Variants in MTUS2 observed in about 807,000 individuals in gnomAD.
MTUS2 encodes the protein microtubule-associated tumor suppressor candidate 2.
MTUS2 carries 40 observed loss-of-function variants against 114.1 expected under a neutral mutation model. That is an observed-to-expected ratio of 0.35 (90% CI 0.27 to 0.46). The LOEUF is 0.46. MTUS2 is among the 20% of genes least tolerant of loss of function. The pLI, the probability that MTUS2 is intolerant of heterozygous loss-of-function variation, is 1.00. For missense variants in MTUS2, 1,679 were observed against 1,705.4 expected (o/e 0.98, Z 0.27); for synonymous variants, 688 against 672.0 (o/e 1.02, Z -0.37).
intron 6 of MTUS2, chr13:29,307,579 G>T: frequency 8.1e-7 from 1 of 1,235,106 alleles, no homozygotes. Flanking sequence ...GGTGTCAGAG[G>T]GCCCCCTCAA....
chr13:28,907,559 T>C (rs1029366388), intron 2 of MTUS2, among the ~76,000 whole-genome samples: 59 of 151,206 alleles, frequency 3.9e-4, no homozygotes, highest in Non-Finnish European at 7.2e-4. Flanking sequence ...TGGAGGAAGA[T>C]CTGCCAAGCA....
At chr13:29,495,335 G>GTGAC (rs1468349227) in intron 12 of MTUS2, among the ~76,000 whole-genome samples, 1 of 140,552 alleles carries the variant, frequency 7.1e-6, no homozygotes, top group Non-Finnish European at 1.5e-5. Flanking sequence ...TCCAACCTGG[G>GTGAC]TGACAGAGTG....
chr13:28,877,075 G>A (rs1293995385), intron 2 of MTUS2, among the ~76,000 whole-genome samples: 14 of 150,834 alleles, frequency 9.3e-5, no homozygotes, highest in Non-Finnish European at 1.9e-4. Context: ...GGCGGATCAC[G>A]AGGTCAGGAG....
intron 5 of MTUS2, among the ~76,000 whole-genome samples, chr13:29,230,029 G>A (rs952321205): frequency 6.6e-6 from 1 of 152,120 alleles, no homozygotes; most frequent in African/African-American, 2.4e-5. Flanking sequence ...GGCGGATCAC[G>A]AGGTCAGGAG....
intron 2 of MTUS2, among the ~76,000 whole-genome samples, chr13:28,994,033 C>T (rs1218404905): frequency 6.6e-6 from 1 of 152,094 alleles, no homozygotes; most frequent in East Asian, 1.9e-4. Flanking sequence ...GGTGTATCTC[C>T]TAATGCTATC....
chr13:29,231,024 A>ATC lies in MTUS2; in HGVS notation c.2645-50679_2645-50678insCT, dbSNP rs1291318067. On this transcript the variant is annotated intron_variant, in intron 5 of 15. Coordinates refer to ENST00000612955, the MANE Select transcript of MTUS2 (RefSeq NM_001033602.4). ...ATTTTATATAGCATAGCCAAATACC[A>ATC]TGTTGTACATCTGATCCATCCAGCC... 1.4e-4 allele frequency among the ~76,000 whole-genome samples: 21 copies of ATC among 152,304 alleles called. No homozygotes were observed. The East Asian group carries it at 3.9e-3, about 28-fold the overall frequency.
intron 2 of MTUS2, among the ~76,000 whole-genome samples, chr13:28,947,734 G>A (rs1882608007): frequency 6.6e-6 from 1 of 152,096 alleles, no homozygotes; most frequent in African/African-American, 2.4e-5. Context: ...CATTTAAAAT[G>A]TTACACTTAA....
chr13:28,874,068 G>A (rs891041211), intron 2 of MTUS2, among the ~76,000 whole-genome samples: 1 of 152,108 alleles, frequency 6.6e-6, no homozygotes, highest in Admixed American at 6.5e-5. Flanking sequence ...GCCCAGGCTG[G>A]AGTGCAGTGG....
intron 6 of MTUS2, among the ~76,000 whole-genome samples, chr13:29,286,798 C>T (rs1000064625): frequency 2.0e-5 from 3 of 152,114 alleles, no homozygotes; most frequent in African/African-American, 7.2e-5. Context: ...TCAAGTGATT[C>T]TCCTGCCTCA....
intron 8 of MTUS2, among the ~76,000 whole-genome samples, chr13:29,368,559 T>C (rs1238593172): frequency 6.6e-6 from 1 of 152,170 alleles, no homozygotes; most frequent in Non-Finnish European, 1.5e-5. Flanking sequence ...CCTGATTGGA[T>C]CATTAAACAT....
At chr13:29,117,312 C>A (rs796958436) in intron 5 of MTUS2, among the ~76,000 whole-genome samples, 15 of 152,280 alleles carry the variant, frequency 9.9e-5, no homozygotes, top group African/African-American at 3.6e-4. Flanking sequence ...TTAAGCATGC[C>A]CTGCCCTGGC....
At chr13:29,205,703 T>TC (rs1182210670) in intron 5 of MTUS2, among the ~76,000 whole-genome samples, 1 of 152,264 alleles carries the variant, frequency 6.6e-6, no homozygotes, top group African/African-American at 2.4e-5. Context: ...AATAATGGTC[T>TC]CCAACTTCAC....
intron 8 of MTUS2, among the ~76,000 whole-genome samples, chr13:29,418,010 A>AT (rs1406648997): frequency 6.6e-6 from 1 of 152,040 alleles, no homozygotes; most frequent in East Asian, 1.9e-4. Flanking sequence ...GTATCTTTTG[A>AT]TTTTTTGGTA....
At chr13:29,245,857 C>T (rs1027797227) in intron 5 of MTUS2, among the ~76,000 whole-genome samples, 49 of 152,178 alleles carry the variant, frequency 3.2e-4, no homozygotes, top group African/African-American at 1.1e-3. Context: ...CCACCACGCC[C>T]GGCTAATTTT....
intron 2 of MTUS2, among the ~76,000 whole-genome samples, chr13:28,914,493 G>A (rs1880634986): frequency 6.6e-6 from 1 of 152,082 alleles, no homozygotes; most frequent in African/African-American, 2.4e-5. Flanking sequence ...CATTTTCTGA[G>A]GAGTGTTTTA....
chr13:28,871,752 G>C (rs938808085), intron 2 of MTUS2, among the ~76,000 whole-genome samples: 1 of 151,870 alleles, frequency 6.6e-6, no homozygotes, highest in Non-Finnish European at 1.5e-5. Flanking sequence ...TTGCTGAAGT[G>C]GGGGGATTAC....
intron 2 of MTUS2, among the ~76,000 whole-genome samples, chr13:28,949,599 C>T (rs1882709651): frequency 6.6e-6 from 1 of 152,034 alleles, no homozygotes; most frequent in Admixed American, 6.6e-5. Flanking sequence ...GAAACTATAT[C>T]CATAAACAAC....
chr13:29,443,629 A>G (rs1248404038), intron 9 of MTUS2, among the ~76,000 whole-genome samples: 1 of 152,226 alleles, frequency 6.6e-6, no homozygotes, highest in Non-Finnish European at 1.5e-5. Flanking sequence ...CTGAGATTGC[A>G]TTGGTGAGAG....
chr13:29,035,343 T>TG (rs1887014243), intron 4 of MTUS2, among the ~76,000 whole-genome samples: 1 of 152,122 alleles, frequency 6.6e-6, no homozygotes, highest in African/African-American at 2.4e-5. Flanking sequence ...TTAGCGCTGC[T>TG]GGGGGGATCA....
Sources: allele counts gnomAD v4.1 joint callset (sites outside exome capture counted in the v4.1 genomes callset), GRCh38; gene constraint gnomAD v4.1.1; transcripts MANE v1.5; gene names NCBI Gene and HGNC (gene_info 2026-07-23, HGNC 2026-07-21).